PPARGC1A: variants seen among roughly 807,000 people sequenced by gnomAD.
The protein encoded by PPARGC1A is peroxisome proliferator-activated receptor gamma coactivator 1-alpha.
In PPARGC1A, 25 loss-of-function variants were observed where a neutral mutation model predicts 88.7. The observed-to-expected ratio is 0.28, with a 90% CI of 0.21 to 0.39. The LOEUF (loss-of-function observed/expected upper bound fraction) is 0.39. PPARGC1A is among the 10% of genes least tolerant of loss of function. The pLI, the probability that PPARGC1A is intolerant of heterozygous loss-of-function variation, is 1.00. For missense variants in PPARGC1A, 880 were observed against 968.7 expected (o/e 0.91, Z 1.22); for synonymous variants, 363 against 355.6 (o/e 1.02, Z -0.24).
At chr4:24,437,849 GGTTTTT>G in the PPARGC1A span, among the ~76,000 whole-genome samples, 16 of 151,822 alleles carry the variant, frequency 1.1e-4, no homozygotes, top group African/African-American at 3.6e-4. Flanking sequence ...TTTTGGTTTT[GGTTTTT>G]AAGTAGAGAA....
At chr4:23,851,642 C>G (rs1729314595) in intron 2 of PPARGC1A, among the ~76,000 whole-genome samples, 1 of 152,140 alleles carries the variant, frequency 6.6e-6, no homozygotes, top group Non-Finnish European at 1.5e-5. Context: ...CTTGGCACAC[C>G]AGTTCTTGCA....
the PPARGC1A span, among the ~76,000 whole-genome samples, chr4:24,038,786 A>G: frequency 1.3e-5 from 2 of 152,138 alleles, no homozygotes; most frequent in Non-Finnish European, 2.9e-5. Flanking sequence ...TTTCTATTTA[A>G]ACTTTGTAAG....
chr4:24,301,781 C>A, the PPARGC1A span, among the ~76,000 whole-genome samples: 2 of 151,748 alleles, frequency 1.3e-5, no homozygotes, highest in Non-Finnish European at 1.5e-5. Context: ...GTAGGATGAC[C>A]AGTTTCTTGG....
the PPARGC1A span, among the ~76,000 whole-genome samples, chr4:24,202,891 A>G: frequency 6.6e-6 from 1 of 152,172 alleles, no homozygotes; most frequent in Non-Finnish European, 1.5e-5. Context: ...AGCCATCCCC[A>G]GGACAAACAA....
At chr4:23,816,267 CT>C (rs944798177) in intron 7 of PPARGC1A, among the ~76,000 whole-genome samples, 1 of 152,154 alleles carries the variant, frequency 6.6e-6, no homozygotes, top group African/African-American at 2.4e-5. Flanking sequence ...TTAACAGCTG[CT>C]CTTGGATGGC....
At chr4:23,811,873 C>T (rs1024698619) in intron 10 of PPARGC1A, among the ~76,000 whole-genome samples, 5 of 137,846 alleles carry the variant, frequency 3.6e-5, no homozygotes, top group Non-Finnish European at 7.6e-5. Flanking sequence ...TGACGACCAT[C>T]ACGCAGAAGA....
At chr4:24,441,569 A>G in the PPARGC1A span, among the ~76,000 whole-genome samples, 1 of 152,126 alleles carries the variant, frequency 6.6e-6, no homozygotes, top group African/African-American at 2.4e-5. Context: ...AGGGACAGCC[A>G]CCCTGAATGT....
At chr4:24,384,181 G>A in the PPARGC1A span, among the ~76,000 whole-genome samples, 3 of 152,264 alleles carry the variant, frequency 2.0e-5, no homozygotes, top group East Asian at 5.8e-4. Context: ...ACAAGCAAAT[G>A]CTGAGAGATT....
the PPARGC1A span, among the ~76,000 whole-genome samples, chr4:24,308,293 G>GAAAA: frequency 2.7e-5 from 2 of 72,950 alleles, no homozygotes; most frequent in African/African-American, 4.9e-5. Flanking sequence ...CTCTGCCACC[G>GAAAA]AAAAAAAAAA....
the PPARGC1A span, among the ~76,000 whole-genome samples, chr4:23,929,391 T>C: frequency 6.6e-6 from 1 of 152,190 alleles, no homozygotes; most frequent in Admixed American, 6.5e-5. Flanking sequence ...TCAACCACCA[T>C]CTTAGGATGC....
chr4:24,400,228 C>A, the PPARGC1A span, among the ~76,000 whole-genome samples: 1 of 152,108 alleles, frequency 6.6e-6, no homozygotes, highest in Non-Finnish European at 1.5e-5. Flanking sequence ...GGATGGGTGT[C>A]GCCAAAAGAG....
At chr4:24,076,137 G>A in the PPARGC1A span, among the ~76,000 whole-genome samples, 8 of 152,204 alleles carry the variant, frequency 5.3e-5, no homozygotes, top group Middle Eastern at 3.4e-3. Context: ...CAGTGCTGCC[G>A]CAATCCTTTA....
chr4:24,043,858 T>C, the PPARGC1A span, among the ~76,000 whole-genome samples: 1 of 151,556 alleles, frequency 6.6e-6, no homozygotes, highest in East Asian at 1.9e-4. Context: ...ATTTTGTTTA[T>C]TTTTTTTGTC....
intron 10 of PPARGC1A, among the ~76,000 whole-genome samples, chr4:23,810,480 G>T (rs1215695073): frequency 1.3e-5 from 2 of 152,102 alleles, no homozygotes; most frequent in African/African-American, 4.8e-5. Flanking sequence ...GTGATTTTGT[G>T]TCATCTAGAC....
At chr4:23,805,722 C>T (rs905981629) in intron 10 of PPARGC1A, among the ~76,000 whole-genome samples, 6 of 151,982 alleles carry the variant, frequency 3.9e-5, no homozygotes, top group Non-Finnish European at 7.4e-5. Context: ...CCTGCTTTCA[C>T]GGGTGTTAAG....
chr4:24,248,747 G>C, the PPARGC1A span, among the ~76,000 whole-genome samples: 12 of 152,174 alleles, frequency 7.9e-5, no homozygotes, highest in Non-Finnish European at 1.2e-4. Flanking sequence ...GGCTGATATT[G>C]AAATGCAGCT....
At chr4:23,980,823 A>G in the PPARGC1A span, among the ~76,000 whole-genome samples, 2 of 152,290 alleles carry the variant, frequency 1.3e-5, no homozygotes, top group African/African-American at 4.8e-5. Flanking sequence ...CTGAAGTCCC[A>G]CATGGGTGCA....
At chr4:24,300,510 A>G in the PPARGC1A span, among the ~76,000 whole-genome samples, 1 of 152,008 alleles carries the variant, frequency 6.6e-6, no homozygotes, top group Admixed American at 6.6e-5. Context: ...CTATAAATGG[A>G]TAATATCAAT....
the PPARGC1A span, among the ~76,000 whole-genome samples, chr4:23,916,216 C>T: frequency 3.9e-5 from 6 of 152,152 alleles, no homozygotes; most frequent in African/African-American, 7.2e-5. Context: ...ACCCTTCATT[C>T]GTAAAACATG....
Sources: allele counts gnomAD v4.1 joint callset (sites outside exome capture counted in the v4.1 genomes callset), GRCh38; gene constraint gnomAD v4.1.1; transcripts MANE v1.5; gene names NCBI Gene and HGNC (gene_info 2026-07-23, HGNC 2026-07-21).